Variants in VIPR2 observed in about 807,000 individuals in gnomAD.
VIPR2 encodes vasoactive intestinal peptide receptor 2, also known as vasoactive intestinal polypeptide receptor 2.
VIPR2 carries 48 observed loss-of-function variants against 58.0 expected under a neutral mutation model. That is an observed-to-expected ratio of 0.83 (90% CI 0.66 to 1.05). The LOEUF is 1.05. VIPR2 is among the 50% of genes least tolerant of loss of function. The pLI is 0.00. For synonymous variants in VIPR2, 243 were observed against 235.2 expected (o/e 1.03, Z -0.30); for missense variants, 534 against 558.0 (o/e 0.96, Z 0.43).
At chr7:159,035,641 A>G (rs1853893426) in intron 8 of VIPR2, 2 of 969,646 alleles carry the variant, frequency 2.1e-6, no homozygotes, top group African/African-American at 1.8e-5. Context: ...CATGCAGGGC[A>G]CTTGGCTTTC....
At chr7:159,089,751 C>T (rs917325062) in intron 4 of VIPR2, among the ~76,000 whole-genome samples, 21 of 152,174 alleles carry the variant, frequency 1.4e-4, no homozygotes, top group Admixed American at 6.5e-5. Flanking sequence ...AAAAAGTGCA[C>T]GGGACCCTAA....
At chr7:159,040,956 G>T (rs1854289932) in intron 6 of VIPR2, among the ~76,000 whole-genome samples, 2 of 152,116 alleles carry the variant, frequency 1.3e-5, no homozygotes, top group Admixed American at 6.6e-5. Flanking sequence ...AGAGTCACGG[G>T]GCATCTGGCA....
intron 4 of VIPR2, among the ~76,000 whole-genome samples, chr7:159,090,666 G>T (rs1472211375): frequency 3.1e-5 from 4 of 128,924 alleles, no homozygotes; most frequent in Non-Finnish European, 4.8e-5. Flanking sequence ...AGTGCCCTCA[G>T]CAGAGACACA....
intron 2 of VIPR2, among the ~76,000 whole-genome samples, chr7:159,110,629 C>A (rs1036571075): frequency 6.6e-6 from 1 of 152,064 alleles, no homozygotes; most frequent in Non-Finnish European, 1.5e-5. Flanking sequence ...ATATTTGAGA[C>A]CTCTAAAATT....
chr7:159,082,725 A>G (rs1563307455), intron 4 of VIPR2, among the ~76,000 whole-genome samples: 2 of 152,210 alleles, frequency 1.3e-5, no homozygotes. Flanking sequence ...CTGTGCTGAA[A>G]ACAGACAGAC....
Position 159,031,406 on chromosome 7 carries a change from G to GGGC in VIPR2, c.1143+421_1143+422insGCC, listed in dbSNP as rs1853573314. On this transcript the variant is annotated intron_variant, in intron 12 of 12. Coordinates refer to ENST00000262178, the MANE Select transcript of VIPR2 (RefSeq NM_003382.5). The surrounding 1 kb of genome is among the most constrained non-coding windows in gnomAD (Gnocchi z 4.0). Reference sequence around the variant, plus strand: ...CCTGGCTGGGAATGAACGCAGGGCAGAGCTCGGCTCCGGGCTTCCTCCCCA... The same window carrying GGGC: ...CCTGGCTGGGAATGAACGCAGGGCAGGGCAGCTCGGCTCCGGGCTTCCTCCCCA... The GGGC allele has an allele frequency of 1.0e-6, 1 of 982,214 alleles. No homozygotes were observed. Among genetic ancestry groups the GGGC allele is most frequent in the South Asian group, 4.7e-5 (1 of 21,220 alleles). The allele number at this position is 982,214 out of a possible 1,614,324, so 60.8% of individuals were successfully genotyped here.
In VIPR2 at chr7:159,099,584, A is replaced by T. The variant is rs569370610; in HGVS notation, c.357+4173T>A. Among the ~76,000 whole-genome samples the T allele has an allele frequency of 2.6e-4, 40 of 152,204 alleles. No individual in the cohort carries two copies. The highest frequency in any genetic ancestry group is 9.6e-4 in the African/African-American group (40 of 41,522). On this transcript the variant is annotated intron_variant, in intron 4 of 12. Coordinates refer to ENST00000262178, the MANE Select transcript of VIPR2 (RefSeq NM_003382.5). This position sits in a 1 kb window ranked among gnomAD's most constrained non-coding sequence, Gnocchi z 4.2. Reference sequence around the variant, plus strand: ...TGCTTATTGAATAAAGGAAGGAGAGAATGAACGACGGAGCCTGCACATACG... The same window carrying T: ...TGCTTATTGAATAAAGGAAGGAGAGTATGAACGACGGAGCCTGCACATACG...
At chr7:159,101,518 G>A (rs564507238) in intron 4 of VIPR2, among the ~76,000 whole-genome samples, 6 of 131,534 alleles carry the variant, frequency 4.6e-5, no homozygotes, top group South Asian at 2.6e-4. Context: ...GGTAGTGAAC[G>A]GGTCTCACGA....
Position 159,097,066 on chromosome 7 carries a change from C to A in VIPR2, c.357+6691G>T. On this transcript the variant is annotated intron_variant, in intron 4 of 12. Coordinates refer to ENST00000262178, the MANE Select transcript of VIPR2 (RefSeq NM_003382.5). The surrounding 1 kb of genome is among the most constrained non-coding windows in gnomAD (Gnocchi z 5.3). ...GGTCTCTGGCAGGCTCCTCCTGGCA[C>A]CCTGGGAGGCTGGTGTGTCCTTGCA... is the stretch of plus-strand genomic sequence containing the variant. The A allele has an allele frequency of 6.5e-7, 1 of 1,544,970 alleles. No individual in the cohort carries two copies. Among genetic ancestry groups the A allele is most frequent in the Non-Finnish European group, 8.7e-7 (1 of 1,143,422 alleles).
chr7:159,064,701 C>T (rs1855982649), intron 4 of VIPR2, among the ~76,000 whole-genome samples: 1 of 152,166 alleles, frequency 6.6e-6, no homozygotes, highest in South Asian at 2.1e-4. Context: ...AGGTCAGCGT[C>T]CAGTCCTGAG....
chr7:159,136,960 G>A (rs1483529615), intron 2 of VIPR2, among the ~76,000 whole-genome samples: 8 of 152,090 alleles, frequency 5.3e-5, no homozygotes, highest in Admixed American at 5.2e-4. Context: ...CAAGGATGGA[G>A]GAGACAGAGA....
Position 159,057,139 on chromosome 7 carries a change from A to G in VIPR2, c.455+1342T>C, listed in dbSNP as rs143088786. Among the ~76,000 whole-genome samples, 174 of 152,338 alleles carry G rather than the reference A, an allele frequency of 1.1e-3. 1 individual carries two copies. Among genetic ancestry groups the G allele is most frequent in the Admixed American group, 4.6e-3 (71 of 15,300 alleles). On this transcript the variant is annotated intron_variant, in intron 5 of 12. Transcript: ENST00000262178. ...AAAAATAGGGATTGTTCAATATAGGAAAATAAGATAAAATTTTCAGATTCA... is the reference window on the plus strand; with the variant it reads ...AAAAATAGGGATTGTTCAATATAGGGAAATAAGATAAAATTTTCAGATTCA...
At position 159,128,156 on chromosome 7, in the gene VIPR2, G is replaced by T. The variant is rs886538798; in HGVS notation, c.151+14290C>A. On this transcript the variant is annotated intron_variant, in intron 2 of 12. Transcript: ENST00000262178. The surrounding 1 kb of genome is among the most constrained non-coding windows in gnomAD (Gnocchi z 4.1). ...TGCCCCTGAGGGATGTGACGGGGGTGGGGGGACACCACCCCAGCTTAGTCA... is the reference window on the plus strand; with the variant it reads ...TGCCCCTGAGGGATGTGACGGGGGTTGGGGGACACCACCCCAGCTTAGTCA... Among the ~76,000 whole-genome samples the T allele has an allele frequency of 6.6e-5, 10 of 152,112 alleles. No homozygotes were observed. Among genetic ancestry groups the T allele is most frequent in the African/African-American group, 2.2e-4 (9 of 41,424 alleles).
chr7:159,118,204 T>C (rs1585534840), intron 2 of VIPR2, among the ~76,000 whole-genome samples: 1 of 152,128 alleles, frequency 6.6e-6, no homozygotes, highest in Non-Finnish European at 1.5e-5. Flanking sequence ...TTAAATACCT[T>C]CCCAGCCGCA....
rs540928557 is a variant in VIPR2 at position 159,037,135 on chromosome 7, G to A, written c.598-233C>T. On this transcript the variant is annotated intron_variant, in intron 6 of 12. Transcript: ENST00000262178. ...GCTCCAGAGGAGGATCACTGCAAAC[G>A]CAACTGTGAACAGCACTGCCTGAGG... is the stretch of plus-strand genomic sequence containing the variant. 2.0e-5 allele frequency among the ~76,000 whole-genome samples: 3 copies of A among 152,328 alleles called. No individual in the cohort carries two copies. The South Asian group carries it at 6.2e-4, about 32-fold the overall frequency.
intron 2 of VIPR2, among the ~76,000 whole-genome samples, chr7:159,141,895 A>G (rs751006554): frequency 6.6e-5 from 10 of 152,228 alleles, no homozygotes; most frequent in Non-Finnish European, 8.8e-5. Context: ...CAGAGTCTAT[A>G]AACAGGTTGA....
At chr7:159,106,766 C>CAG (rs1795750563) in intron 3 of VIPR2, among the ~76,000 whole-genome samples, 1 of 100,728 alleles carries the variant, frequency 9.9e-6, no homozygotes, top group Non-Finnish European at 1.9e-5. Flanking sequence ...TGGGTAGGGG[C>CAG]AGAGAGGCCG....
Position 159,034,535 on chromosome 7 carries a change from G to A in VIPR2, c.879+46C>T, listed in dbSNP as rs1204705422. ...GATGGCAGGCTTGCTGTCTGCCCAA[G>A]TGTGTGATTCCACAGATAATCCACA... is the stretch of plus-strand genomic sequence containing the variant. On this transcript the variant is annotated intron_variant, in intron 9 of 12. Transcript: ENST00000262178. 1.9e-6 allele frequency: 3 copies of A among 1,565,430 alleles called. No individual in the cohort carries two copies. The South Asian group carries it at 3.3e-5, about 17-fold the overall frequency.
intron 2 of VIPR2, chr7:159,117,215 C>G: frequency 1.5e-6 from 1 of 669,888 alleles, no homozygotes. Flanking sequence ...CCTAGAAGGT[C>G]CCTTGCCATC....
Sources: gnomAD v4.1 joint callset for allele counts (sites outside exome capture counted in the v4.1 genomes callset) on GRCh38, gnomAD v4.1.1 for gene constraint, Gnocchi (gnomAD v3.1) non-coding constraint, MANE v1.5 for transcripts, NCBI Gene and HGNC (gene_info 2026-07-23, HGNC 2026-07-21) for gene names.